The following CPA6 variants were observed in gnomAD, a reference collection of about 807,000 sequenced individuals.
The protein encoded by CPA6 is carboxypeptidase A6, also known as carboxypeptidase B.
A neutral mutation model predicts 63.3 loss-of-function variants in CPA6; 58 were observed. The observed-to-expected ratio is 0.92, with a 90% CI of 0.74 to 1.14. CPA6 has a LOEUF of 1.14. CPA6 is among the 50% of genes most tolerant of loss of function. The pLI, the probability that CPA6 is intolerant of heterozygous loss-of-function variation, is 0.00. For synonymous variants in CPA6, 185 were observed against 179.0 expected (o/e 1.03, Z -0.27); for missense variants, 565 against 526.6 (o/e 1.07, Z -0.71).
chr8:67,470,519 G>A (rs1464149302), intron 8 of CPA6, among the ~76,000 whole-genome samples: 5 of 152,102 alleles, frequency 3.3e-5, no homozygotes, highest in Non-Finnish European at 7.4e-5. Flanking sequence ...ATTCTCTCAT[G>A]TTTGTTTATT....
At chr8:67,424,504 T>C (rs1190889129) in intron 10 of CPA6, among the ~76,000 whole-genome samples, 4 of 152,186 alleles carry the variant, frequency 2.6e-5, no homozygotes, top group African/African-American at 9.7e-5. Flanking sequence ...CTGTTGGTTA[T>C]TGTCGTCTCT....
intron 6 of CPA6, among the ~76,000 whole-genome samples, chr8:67,490,975 G>A (rs1811590909): frequency 6.6e-6 from 1 of 152,086 alleles, no homozygotes; most frequent in Admixed American, 6.6e-5. Flanking sequence ...AATCACTGCA[G>A]AGGACCTAAA....
chr8:67,690,647 A>T (rs1036855673), intron 1 of CPA6, among the ~76,000 whole-genome samples: 6 of 152,228 alleles, frequency 3.9e-5, no homozygotes, highest in Admixed American at 3.9e-4. Flanking sequence ...CTGATGTAAG[A>T]CACATTAGAA....
intron 2 of CPA6, among the ~76,000 whole-genome samples, chr8:67,534,790 C>A (rs1235451143): frequency 2.0e-5 from 3 of 152,032 alleles, no homozygotes; most frequent in African/African-American, 7.3e-5. Context: ...CATAGGTATA[C>A]ACGTGCCATG....
At chr8:67,568,867 C>T (rs939894882) in intron 2 of CPA6, among the ~76,000 whole-genome samples, 2 of 152,170 alleles carry the variant, frequency 1.3e-5, no homozygotes, top group Non-Finnish European at 1.5e-5. Context: ...TCTACTGCCT[C>T]GGCCTCCCTA....
chr8:67,596,531 CTTT>C (rs547099824), intron 2 of CPA6, among the ~76,000 whole-genome samples: 2 of 142,006 alleles, frequency 1.4e-5, no homozygotes, highest in Admixed American at 7.1e-5. Flanking sequence ...GAATTTATTT[CTTT>C]TTTTTTTTTT....
chr8:67,543,738 A>G (rs1222757141), intron 2 of CPA6, among the ~76,000 whole-genome samples: 1 of 151,758 alleles, frequency 6.6e-6, no homozygotes, highest in Non-Finnish European at 1.5e-5. Flanking sequence ...TTTTTCATTT[A>G]TACTCATCAA....
intron 1 of CPA6, among the ~76,000 whole-genome samples, chr8:67,716,146 T>C (rs1817373642): frequency 9.7e-6 from 1 of 103,490 alleles, no homozygotes; most frequent in Non-Finnish European, 1.8e-5. Context: ...AGAGTGAGCT[T>C]GTCTCAAAAA....
chr8:67,488,156 G>T (rs541784815), intron 6 of CPA6, among the ~76,000 whole-genome samples: 1 of 152,260 alleles, frequency 6.6e-6, no homozygotes, highest in African/African-American at 2.4e-5. Flanking sequence ...GTATTGCCTA[G>T]GTTTTCTTCT....
Position 67,422,687 on chromosome 8 carries a change from C to A in CPA6, c.1131G>T (p.Val377=). The change falls in exon 11 of 11, where the codon GTG becomes GTT. Residue 377 remains valine (V), a synonymous_variant. Coordinates refer to ENST00000297770, the MANE Select transcript of CPA6 (RefSeq NM_020361.5). The stretch of plus-strand genomic sequence containing the variant: ...CCCAATCCATTGAGCTACCAGAGCT[C>A]ACATCTAAAAGTTAAAACAAAAAAA... The part of the protein sequence containing the change: ...RYGPASTTLY[V]SSGSSMDWAY... 1 of 1,601,574 alleles carries A rather than the reference C, an allele frequency of 6.2e-7. No homozygotes were observed. Among genetic ancestry groups the A allele is most frequent in the Admixed American group, 1.7e-5 (1 of 57,570 alleles).
chr8:67,566,657 G>A (rs1408070899), intron 2 of CPA6, among the ~76,000 whole-genome samples: 2 of 152,056 alleles, frequency 1.3e-5, no homozygotes, highest in African/African-American at 2.4e-5. Context: ...TTGATAACAT[G>A]TACAACTATC....
chr8:67,655,186 T>G (rs539339500), intron 1 of CPA6, among the ~76,000 whole-genome samples: 6 of 152,166 alleles, frequency 3.9e-5, no homozygotes, highest in Non-Finnish European at 5.9e-5. Context: ...CTTGATACAA[T>G]TCTTATTGAT....
chr8:67,694,792 GAC>G (rs1308663891), intron 1 of CPA6, among the ~76,000 whole-genome samples: 1 of 152,206 alleles, frequency 6.6e-6, no homozygotes, highest in Non-Finnish European at 1.5e-5. Context: ...ATCCTTGAAA[GAC>G]AGTAGTGAAG....
intron 1 of CPA6, among the ~76,000 whole-genome samples, chr8:67,640,613 T>C (rs2046204): frequency 0.26 from 39,597 of 150,964 alleles, 5,729 homozygotes; most frequent in South Asian, 0.31. Flanking sequence ...GTCCTGCCTG[T>C]TCCTGGCTCC....
rs28460658 is a variant in CPA6, at chr8:67,488,998, T to C, written c.637-4209A>G. Among the ~76,000 whole-genome samples, 306 of 152,286 alleles carry C rather than the reference T, an allele frequency of 2.0e-3. 1 individual carries two copies. The highest frequency in any genetic ancestry group is 3.9e-3 in the Non-Finnish European group (267 of 68,010). On this transcript the variant is annotated intron_variant, in intron 6 of 10. Coordinates refer to ENST00000297770, the MANE Select transcript of CPA6 (RefSeq NM_020361.5). Reference sequence around the variant, plus strand: ...AATATACAATCATGTCATCTGCAAATAGGGACAATTCGACTTCCTCATTTC... The same window carrying C: ...AATATACAATCATGTCATCTGCAAACAGGGACAATTCGACTTCCTCATTTC...
intron 1 of CPA6, among the ~76,000 whole-genome samples, chr8:67,684,167 CA>C (rs1473248039): frequency 6.6e-6 from 1 of 151,240 alleles, no homozygotes; most frequent in African/African-American, 2.4e-5. Context: ...GGATTAAAGG[CA>C]GGAGCCACTG....
chr8:67,471,191 G>C (rs1300558867), intron 8 of CPA6, among the ~76,000 whole-genome samples: 1 of 151,990 alleles, frequency 6.6e-6, no homozygotes, highest in East Asian at 1.9e-4. Flanking sequence ...TTACATGACT[G>C]TTCCTTCTGT....
chr8:67,453,781 C>A (rs2128956030), intron 8 of CPA6, among the ~76,000 whole-genome samples: 2 of 152,302 alleles, frequency 1.3e-5, no homozygotes, highest in Non-Finnish European at 2.9e-5. Flanking sequence ...TAGTATCCTG[C>A]ATTAAAATTG....
intron 1 of CPA6, among the ~76,000 whole-genome samples, chr8:67,704,136 T>A (rs1817083088): frequency 1.3e-5 from 2 of 152,218 alleles, no homozygotes; most frequent in Non-Finnish European, 2.9e-5. Flanking sequence ...AGGCTTTCCA[T>A]GAGTATTCCT....
Sources: gnomAD v4.1 joint callset for allele counts (sites outside exome capture counted in the v4.1 genomes callset) on GRCh38, gnomAD v4.1.1 for gene constraint, MANE v1.5 for transcripts, NCBI Gene and HGNC (gene_info 2026-07-23, HGNC 2026-07-21) for gene names.